MINDY4B: variants seen among roughly 807,000 people sequenced by gnomAD.
The protein encoded by MINDY4B is MINDY family member 4B.
Under a neutral mutation model 16.7 loss-of-function variants are expected in MINDY4B, and 25 were observed. That is an observed-to-expected ratio of 1.49 (90% CI 1.09 to 2.09). MINDY4B has a LOEUF of 2.09. Ranked by LOEUF, MINDY4B falls within the 30% of genes most tolerant of loss-of-function variation. The pLI is 0.00. For missense variants in MINDY4B, 327 were observed against 168.4 expected (o/e 1.94, Z -5.21); for synonymous variants, 132 against 61.9 (o/e 2.13, Z -5.32).
In MINDY4B at chr3:150,874,413, G is replaced by A. The variant is rs564122082; in HGVS notation, c.1060-1046C>T. 5.3e-5 allele frequency among the ~76,000 whole-genome samples: 8 copies of A among 152,318 alleles called. No homozygotes were observed. In the South Asian group the frequency reaches 1.0e-3, roughly 20 times the overall value. On this transcript the variant is annotated intron_variant, in intron 10 of 11. Coordinates refer to ENST00000465419, the MANE Select transcript of MINDY4B (RefSeq NM_001351281.2). ...CAGTGGTCCTGCAAACTTCTAGTGC[G>A]TTTCTATCAGTGATAGCCATCAGTT... is the stretch of plus-strand genomic sequence containing the variant.
chr3:150,900,218 G>T (rs1169113378), intron 3 of MINDY4B, among the ~76,000 whole-genome samples: 1 of 152,182 alleles, frequency 6.6e-6, no homozygotes, highest in Non-Finnish European at 1.5e-5. Flanking sequence ...CTGTAGTATT[G>T]GAAAGAGGAC....
chr3:150,888,550 T>A (rs1011203743), intron 7 of MINDY4B, among the ~76,000 whole-genome samples: 1 of 152,098 alleles, frequency 6.6e-6, no homozygotes, highest in South Asian at 2.1e-4. Context: ...TGATAGTTGA[T>A]GGGGGATTGG....
At chr3:150,889,798 C>A (rs1289207380) in intron 7 of MINDY4B, among the ~76,000 whole-genome samples, 1 of 152,200 alleles carries the variant, frequency 6.6e-6, no homozygotes, top group Non-Finnish European at 1.5e-5. Context: ...CTTCCATTTT[C>A]TACCATCACT....
At chr3:150,875,946 A>C (rs1711496516) in intron 10 of MINDY4B, among the ~76,000 whole-genome samples, 1 of 152,204 alleles carries the variant, frequency 6.6e-6, no homozygotes, top group African/African-American at 2.4e-5. Context: ...AAGCAGTTTG[A>C]CTGGCATTTT....
chr3:150,876,410 A>G (rs1711497239), intron 10 of MINDY4B, among the ~76,000 whole-genome samples: 1 of 152,218 alleles, frequency 6.6e-6, no homozygotes, highest in Admixed American at 6.5e-5. Flanking sequence ...TAATCTGAAC[A>G]GGAGAAAGGT....
intron 2 of MINDY4B, among the ~76,000 whole-genome samples, chr3:150,903,759 C>T (rs1028767591): frequency 2.0e-5 from 3 of 152,142 alleles, no homozygotes; most frequent in Non-Finnish European, 4.4e-5. Context: ...AAACTTTGAA[C>T]GAATCTTTCC....
At chr3:150,873,930 C>A (rs1359041144) in intron 10 of MINDY4B, among the ~76,000 whole-genome samples, 1 of 149,930 alleles carries the variant, frequency 6.7e-6, no homozygotes, top group Non-Finnish European at 1.5e-5. Context: ...TTAACATGAT[C>A]ATTTGTGAAG....
At chr3:150,904,154 T>C (rs1377768847) in intron 2 of MINDY4B, among the ~76,000 whole-genome samples, 1 of 152,220 alleles carries the variant, frequency 6.6e-6, no homozygotes, top group Admixed American at 6.5e-5. Flanking sequence ...TCAGCTAAGA[T>C]GCATTTTGTA....
intron 10 of MINDY4B, among the ~76,000 whole-genome samples, chr3:150,873,993 A>G (rs754987727): frequency 1.4e-5 from 2 of 146,798 alleles, no homozygotes; most frequent in Non-Finnish European, 3.0e-5. Context: ...CTTGTCAATC[A>G]ATTTAGCCTT....
chr3:150,905,376 T>C lies in MINDY4B; in HGVS notation c.64A>G (p.Arg22Gly), dbSNP rs545130946. The change falls in exon 1 of 12, where the codon AGG becomes GGG. Residue 22 changes from arginine (R) to glycine (G), a missense_variant. Coordinates refer to ENST00000465419, the MANE Select transcript of MINDY4B (RefSeq NM_001351281.2). ...CATTTGTCAAGGAATGAAATTTTCC[T>C]TGAGATCTCCTCTAAATCCAGCTGT... ...SEQLDLEEIS[R>G]KISFLDKWRE... 31 of 398,532 alleles carry C rather than the reference T, an allele frequency of 7.8e-5. No homozygotes were observed. The South Asian group carries it at 3.7e-3, about 47-fold the overall frequency. The allele number at this position is 398,532 out of a possible 1,614,324, so 24.7% of individuals were successfully genotyped here. A position where few individuals can be genotyped will look rare whatever the true frequency, so the allele number is the denominator to read the frequency against.
chr3:150,893,864 T>C (rs756934808), intron 4 of MINDY4B, among the ~76,000 whole-genome samples: 1 of 152,150 alleles, frequency 6.6e-6, no homozygotes, highest in Non-Finnish European at 1.5e-5. Flanking sequence ...CTAATTTTTG[T>C]ATTTTTAGAG....
chr3:150,900,765 G>A (rs1317757259), intron 3 of MINDY4B, among the ~76,000 whole-genome samples: 1 of 152,110 alleles, frequency 6.6e-6, no homozygotes, highest in Non-Finnish European at 1.5e-5. Context: ...TAGTCATGGG[G>A]CGGTCCCCAG....
chr3:150,905,263 T>A (rs530080322), intron 1 of MINDY4B, 64 bp downstream of exon 1: 2 of 398,324 alleles, frequency 5.0e-6, no homozygotes, highest in East Asian at 7.1e-5. Flanking sequence ...AGCTTATAAG[T>A]TGATTACTTA....
At chr3:150,880,599 A>T (rs895355436) in intron 10 of MINDY4B, among the ~76,000 whole-genome samples, 3 of 152,238 alleles carry the variant, frequency 2.0e-5, no homozygotes, top group Non-Finnish European at 4.4e-5. Flanking sequence ...TAGCACAGAG[A>T]CATGAAAAAG....
At chr3:150,888,459 G>T (rs1218844304) in intron 7 of MINDY4B, among the ~76,000 whole-genome samples, 1 of 152,082 alleles carries the variant, frequency 6.6e-6, no homozygotes, top group African/African-American at 2.4e-5. Flanking sequence ...CATAACAAAA[G>T]ATCTGCTGCT....
intron 3 of MINDY4B, among the ~76,000 whole-genome samples, chr3:150,899,860 G>A (rs1338759260): frequency 1.3e-5 from 2 of 152,178 alleles, no homozygotes; most frequent in Non-Finnish European, 2.9e-5. Context: ...ACACCCGGCT[G>A]TGCTTCCTTC....
At position 150,890,744 on chromosome 3, in the gene MINDY4B, C is replaced by T. The variant is rs576500882; in HGVS notation, c.687+194G>A. 1.4e-3 allele frequency: 759 copies of T among 526,028 alleles called. 11 individuals carry two copies. In the South Asian group the frequency reaches 0.022, roughly 15 times the overall value. 32.6% of individuals were successfully genotyped at this position (526,028 alleles called of 1,614,324 possible). ...TTCTTGGTCCTGGTGAATTCCATAG[C>T]AGGAATTTAAAACAGGACTCTTTGT... On this transcript the variant is annotated intron_variant, in intron 6 of 11. Coordinates refer to ENST00000465419, the MANE Select transcript of MINDY4B (RefSeq NM_001351281.2).
chr3:150,875,229 T>C (rs1355459468), intron 10 of MINDY4B, among the ~76,000 whole-genome samples: 2 of 152,254 alleles, frequency 1.3e-5, no homozygotes, highest in African/African-American at 4.8e-5. Flanking sequence ...ATTCATTAGT[T>C]ATAAAATAAG....
chr3:150,885,702 C>A (rs1711604316), intron 7 of MINDY4B, among the ~76,000 whole-genome samples: 1 of 152,176 alleles, frequency 6.6e-6, no homozygotes, highest in Non-Finnish European at 1.5e-5. Context: ...TCTCTTCAAA[C>A]CTTGGCCAAG....
Sources: gnomAD v4.1 joint callset for allele counts (sites outside exome capture counted in the v4.1 genomes callset) on GRCh38, gnomAD v4.1.1 for gene constraint, MANE v1.5 for transcripts, NCBI Gene and HGNC (gene_info 2026-07-23, HGNC 2026-07-21) for gene names.